Variants in FANCL observed in about 807,000 individuals in gnomAD.
FANCL encodes the protein FA complementation group L.
A neutral mutation model predicts 59.4 loss-of-function variants in FANCL; 69 were observed. The observed-to-expected ratio is 1.16, with a 90% confidence interval of 0.96 to 1.42. The LOEUF (loss-of-function observed/expected upper bound fraction) is 1.42, where lower values mean the gene tolerates loss of function less well. Ranked by LOEUF, FANCL falls within the 40% of genes most tolerant of loss-of-function variation. FANCL has a pLI of 0.00. For synonymous variants in FANCL, 180 were observed against 147.1 expected, an observed-to-expected ratio of 1.22 and a Z score of -1.62; for missense variants, 519 against 447.2, an observed-to-expected ratio of 1.16 and a Z score of -1.45.
intron 3 of FANCL, among the ~76,000 whole-genome samples, chr2:58,229,548 C>T (rs571018517): frequency 3.9e-5 from 6 of 152,208 alleles, no homozygotes; most frequent in Non-Finnish European, 5.9e-5. Context: ...GAAGAAAAAT[C>T]ACTGAAGAAG....
At chr2:58,186,537 A>G (rs187908443) in intron 7 of FANCL, among the ~76,000 whole-genome samples, 29 of 152,326 alleles carry the variant, frequency 1.9e-4, no homozygotes, top group African/African-American at 6.7e-4. Flanking sequence ...ATTGTAGTCA[A>G]TGGTAGCTAT....
chr2:58,205,027 G>A (rs1388151627), intron 5 of FANCL, among the ~76,000 whole-genome samples: 1 of 151,972 alleles, frequency 6.6e-6, no homozygotes, highest in Non-Finnish European at 1.5e-5. Flanking sequence ...CTGGGCATAT[G>A]GATATTTTTG....
At chr2:58,205,592 C>A (rs1247619810) in intron 5 of FANCL, among the ~76,000 whole-genome samples, 2 of 151,888 alleles carry the variant, frequency 1.3e-5, no homozygotes, top group Non-Finnish European at 2.9e-5. Context: ...AAAAATTAAT[C>A]ATTTAAAAAA....
intron 1 of FANCL, 73 bp from the exon 2 acceptor site, chr2:58,232,185 CAAAG>C: frequency 8.3e-7 from 1 of 1,206,352 alleles, no homozygotes; most frequent in Non-Finnish European, 1.2e-6. Context: ...AACAGAATCA[CAAAG>C]AAAAGACAAT....
chr2:58,227,999 C>G (rs79791335), intron 3 of FANCL, among the ~76,000 whole-genome samples: 3 of 151,918 alleles, frequency 2.0e-5, no homozygotes, highest in Non-Finnish European at 4.4e-5. Flanking sequence ...ATATAAAAAT[C>G]AGGCAACTCT....
intron 6 of FANCL, among the ~76,000 whole-genome samples, chr2:58,200,482 C>T (rs1689887377): frequency 6.6e-6 from 1 of 151,950 alleles, no homozygotes; most frequent in African/African-American, 2.4e-5. Flanking sequence ...AAATTTAGTT[C>T]ATTTTGAGTT....
intron 4 of FANCL, among the ~76,000 whole-genome samples, chr2:58,223,517 C>T (rs183912444): frequency 6.6e-5 from 10 of 152,036 alleles, no homozygotes; most frequent in African/African-American, 2.2e-4. Context: ...ATACACTCTA[C>T]CTTCTATTCT....
intron 5 of FANCL, among the ~76,000 whole-genome samples, chr2:58,218,415 T>C (rs1692060284): frequency 6.6e-6 from 1 of 151,266 alleles, no homozygotes; most frequent in African/African-American, 2.4e-5. Flanking sequence ...TTAAGAAAAA[T>C]TAAAAAGGCA....
chr2:58,172,369 C>A (rs1252461796), intron 7 of FANCL, among the ~76,000 whole-genome samples: 2 of 152,220 alleles, frequency 1.3e-5, no homozygotes, highest in Non-Finnish European at 1.5e-5. Flanking sequence ...GGCAGACTGA[C>A]ACCTCACATG....
intron 7 of FANCL, among the ~76,000 whole-genome samples, chr2:58,193,938 C>T (rs1689179655): frequency 6.6e-6 from 1 of 152,150 alleles, no homozygotes; most frequent in Non-Finnish European, 1.5e-5. Flanking sequence ...GTAAACACAA[C>T]TTAGAATACC....
rs577577230 is a variant in FANCL at position 58,227,572 on chromosome 2, C to T, written c.217-788G>A. Among the ~76,000 whole-genome samples the T allele has an allele frequency of 5.9e-5, 9 of 152,276 alleles. No homozygotes were observed. In the South Asian group the frequency reaches 8.3e-4, roughly 14 times the overall value. On this transcript the variant is annotated intron_variant, in intron 3 of 13. Coordinates refer to ENST00000233741, the MANE Select transcript of FANCL (RefSeq NM_018062.4). ...GGCCTGCCGGCATGCTGAAGTCTAT[C>T]GGTGTGCTCTTGACATGCTCTCGAT...
At chr2:58,192,054 G>T (rs989647796) in intron 7 of FANCL, among the ~76,000 whole-genome samples, 2 of 151,846 alleles carry the variant, frequency 1.3e-5, no homozygotes, top group African/African-American at 4.8e-5. Context: ...GAAGCCTACT[G>T]TGAAGGTCTA....
chr2:58,234,102 G>C (rs910855977), intron 1 of FANCL, among the ~76,000 whole-genome samples: 1 of 152,078 alleles, frequency 6.6e-6, no homozygotes, highest in African/African-American at 2.4e-5. Flanking sequence ...TGAATACAAA[G>C]ATACTGTCTT....
At chr2:58,219,659 G>C (rs541452128) in intron 5 of FANCL, among the ~76,000 whole-genome samples, 1 of 151,486 alleles carries the variant, frequency 6.6e-6, no homozygotes, top group South Asian at 2.1e-4. Flanking sequence ...GAGAACAAAA[G>C]TCAGGTAAGA....
chr2:58,223,024 T>C (rs1156411739), intron 4 of FANCL, among the ~76,000 whole-genome samples: 2 of 151,398 alleles, frequency 1.3e-5, no homozygotes, highest in Non-Finnish European at 3.0e-5. Flanking sequence ...TTAACCAGGA[T>C]AGGACACTAT....
At chr2:58,165,065 G>C (rs1194367624) in intron 8 of FANCL, among the ~76,000 whole-genome samples, 1 of 151,988 alleles carries the variant, frequency 6.6e-6, no homozygotes, top group Non-Finnish European at 1.5e-5. Context: ...TATTTAATGT[G>C]AGCTTAAATA....
intron 7 of FANCL, among the ~76,000 whole-genome samples, chr2:58,177,635 G>A (rs1324015358): frequency 2.0e-5 from 2 of 100,924 alleles, no homozygotes; most frequent in African/African-American, 7.6e-5. Context: ...CTGTTGTGGG[G>A]TGGGGGGAGG....
chr2:58,229,853 C>T lies in FANCL; in HGVS notation c.177G>A (p.Leu59=). 6.2e-7 allele frequency: 1 copy of T among 1,610,952 alleles called. No homozygotes were observed. Among genetic ancestry groups the T allele is most frequent in the East Asian group, 2.2e-5 (1 of 44,768 alleles). The change falls in exon 3 of 14, where the codon CTG becomes CTA. Residue 59 remains leucine, a synonymous_variant. Transcript: ENST00000233741. ...KNARLLCSWQ[L]RTILSGYHRI... is the part of the protein sequence containing the mutation. ...GATGGTATCCACTAAGTATTGTTCT[C>T]AGCTGCCAACTACATAATAATCTAA...
chr2:58,226,674 A>T (rs1395760205), intron 4 of FANCL, 54 bp downstream of exon 4: 3 of 1,324,408 alleles, frequency 2.3e-6, no homozygotes, highest in Non-Finnish European at 2.2e-6. Context: ...GTTACAAAAA[A>T]GAAATCAAGA....
Sources: gnomAD v4.1 joint callset for allele counts (sites outside exome capture counted in the v4.1 genomes callset) on GRCh38, gnomAD v4.1.1 for gene constraint, MANE v1.5 for transcripts, NCBI Gene and HGNC (gene_info 2026-07-23, HGNC 2026-07-21) for gene names.